Variants in SYNE2 observed in about 807,000 individuals in gnomAD.
The protein encoded by SYNE2 is spectrin repeat containing nuclear envelope protein 2.
SYNE2 carries 431 observed loss-of-function variants against 856.3 expected under a neutral mutation model. That is an observed-to-expected ratio of 0.50 (90% CI 0.47 to 0.55). SYNE2 has a LOEUF of 0.55. Among genes scored for constraint, SYNE2 ranks in the 20% least tolerant of loss-of-function variants. The pLI, the probability that SYNE2 is intolerant of heterozygous loss-of-function variation, is 0.00. For synonymous variants in SYNE2, 2,923 were observed against 2,872.3 expected, an observed-to-expected ratio of 1.02 and a Z score of -0.56; for missense variants, 8,129 against 8,023.2, an observed-to-expected ratio of 1.01 and a Z score of -0.50.
intron 1 of SYNE2, among the ~76,000 whole-genome samples, chr14:63,801,869 A>G (rs1028576905): frequency 6.6e-6 from 1 of 151,394 alleles, no homozygotes; most frequent in Non-Finnish European, 1.5e-5. Context: ...TTAAGTTTTT[A>G]TAAGTATAAA....
At chr14:64,045,571 C>G (rs1373371504) in intron 45 of SYNE2, among the ~76,000 whole-genome samples, 3 of 152,200 alleles carry the variant, frequency 2.0e-5, no homozygotes, top group Non-Finnish European at 4.4e-5. Flanking sequence ...TGGCACCTCT[C>G]TTTCTTCTTA....
chr14:63,890,083 G>A (rs1414656665), intron 1 of SYNE2, among the ~76,000 whole-genome samples: 22 of 131,868 alleles, frequency 1.7e-4, no homozygotes, highest in African/African-American at 5.5e-4. Context: ...TTGAGATAGG[G>A]TCTCGCTCTG....
intron 94 of SYNE2, among the ~76,000 whole-genome samples, chr14:64,171,837 C>T (rs555929450): frequency 2.2e-4 from 34 of 152,242 alleles, no homozygotes; most frequent in Middle Eastern, 3.4e-3. Context: ...GAGAGGGCAG[C>T]ATGACACTGT....
At chr14:63,775,925 A>G (rs1887091552) in intron 1 of SYNE2, among the ~76,000 whole-genome samples, 2 of 152,212 alleles carry the variant, frequency 1.3e-5, no homozygotes, top group African/African-American at 2.4e-5. Context: ...TTCCTTTACC[A>G]TTAGACGCAT....
chr14:63,990,459 G>A lies in SYNE2; in HGVS notation c.2362G>A (p.Glu788Lys), dbSNP rs767773345. 6.2e-6 allele frequency: 10 copies of A among 1,613,588 alleles called. No individual in the cohort carries two copies. The highest frequency in any genetic ancestry group is 3.3e-5 in the Admixed American group (2 of 60,008). Residue 788 changes from glutamate to lysine, a missense_variant, in exon 20 of 116, where the codon GAA (glutamate) becomes AAA (lysine). By Grantham distance (56) the Glu-to-Lys change is moderately conservative. Coordinates refer to ENST00000555002, the MANE Select transcript of SYNE2 (RefSeq NM_182914.3). ...SMFDELMARSEDMLQMDIQNI... is the reference protein window; with the variant it reads ...SMFDELMARSKDMLQMDIQNI... ...GTTTGATGAGCTTATGGCAAGAAGT[G>A]AAGATATGTTACAAATGGATATACA...
At chr14:64,128,122 T>C (rs1488328081) in intron 73 of SYNE2, among the ~76,000 whole-genome samples, 1 of 152,156 alleles carries the variant, frequency 6.6e-6, no homozygotes, top group Non-Finnish European at 1.5e-5. Context: ...GGGAGGAGTA[T>C]GTTGGAGTAA....
chr14:63,835,569 G>A (rs1396698359), intron 1 of SYNE2, among the ~76,000 whole-genome samples: 6 of 20,960 alleles, frequency 2.9e-4, no homozygotes, highest in South Asian at 3.4e-3. Context: ...ATATTTGCGT[G>A]TGTGTGTGTG....
intron 105 of SYNE2, 119 bp from the exon 106 acceptor site, chr14:64,214,075 C>A: frequency 6.7e-7 from 1 of 1,493,546 alleles, no homozygotes; most frequent in Non-Finnish European, 9.1e-7. Flanking sequence ...TTAAAGCTGC[C>A]TTAGAAATAC....
chr14:63,977,238 A>G (rs1237992785), intron 12 of SYNE2, among the ~76,000 whole-genome samples: 3 of 152,054 alleles, frequency 2.0e-5, no homozygotes, highest in Admixed American at 2.0e-4. Context: ...TTTGAGACAG[A>G]GTCTTGCTCT....
chr14:64,169,211 A>C (rs1006984154), intron 93 of SYNE2, among the ~76,000 whole-genome samples: 1 of 152,206 alleles, frequency 6.6e-6, no homozygotes, highest in Non-Finnish European at 1.5e-5. Flanking sequence ...AGCAGCCCAG[A>C]AGCTTTGGAA....
rs1448511119 is a variant in SYNE2 at position 64,041,544 on chromosome 14, A to G, written c.7222-6456A>G. Among the ~76,000 whole-genome samples, 3 of 152,220 alleles carry G rather than the reference A, an allele frequency of 2.0e-5. No individual in the cohort carries two copies. The East Asian group carries it at 5.8e-4, about 29-fold the overall frequency. On this transcript the variant is annotated intron_variant, in intron 45 of 115. Transcript: ENST00000555002. ...GCAGAAGGCAGGACTCGTATGTCCA[A>G]TGAACATATGAAGAGTAGCTCAGGC...
At chr14:63,874,346 C>T (rs1004524227) in intron 1 of SYNE2, among the ~76,000 whole-genome samples, 2 of 152,126 alleles carry the variant, frequency 1.3e-5, no homozygotes, top group Non-Finnish European at 2.9e-5. Context: ...TCCTACTGAA[C>T]GCTGTGGCTC....
At chr14:64,224,645 C>A (rs2098710169) in intron 114 of SYNE2, 98 bp downstream of exon 114, 2 of 1,284,350 alleles carry the variant, frequency 1.6e-6, no homozygotes, top group Non-Finnish European at 2.2e-6. Flanking sequence ...TTAGCCATTT[C>A]AGGACAGCAC....
At chr14:63,842,158 T>TTTTG (rs1417406242) in intron 1 of SYNE2, among the ~76,000 whole-genome samples, 2 of 150,722 alleles carry the variant, frequency 1.3e-5, no homozygotes, top group South Asian at 2.1e-4. Context: ...TTCTTCTTCT[T>TTTTG]TTTGTTTGTT....
chr14:64,183,219 G>A (rs974102245), intron 96 of SYNE2, among the ~76,000 whole-genome samples: 1 of 151,260 alleles, frequency 6.6e-6, no homozygotes, highest in African/African-American at 2.4e-5. Flanking sequence ...GCCGGGCGGA[G>A]GGGCTCCTCA....
At chr14:64,217,797 CAAAG>C (rs552651718) in intron 108 of SYNE2, among the ~76,000 whole-genome samples, 16 of 152,070 alleles carry the variant, frequency 1.1e-4, no homozygotes, top group Non-Finnish European at 1.9e-4. Context: ...AGAAGAAAGA[CAAAG>C]AAAGCAGGGC....
chr14:63,971,909 TTATGACA>T (rs1198473581), intron 11 of SYNE2, among the ~76,000 whole-genome samples: 7 of 152,170 alleles, frequency 4.6e-5, no homozygotes, highest in African/African-American at 1.7e-4. Flanking sequence ...ATTTATAGAG[TTATGACA>T]GGAACTGTGT....
At chr14:63,812,429 C>G (rs570635512) in intron 1 of SYNE2, among the ~76,000 whole-genome samples, 9 of 152,094 alleles carry the variant, frequency 5.9e-5, no homozygotes, top group Non-Finnish European at 1.3e-4. Flanking sequence ...TCATATTGTT[C>G]AAACACACGT....
intron 1 of SYNE2, among the ~76,000 whole-genome samples, chr14:63,864,010 ACGGGGTTAGCCAGG>A (rs1400502229): frequency 6.6e-6 from 1 of 152,022 alleles, no homozygotes; most frequent in Non-Finnish European, 1.5e-5. Flanking sequence ...TTTCGTAGAA[ACGGGGTTAGCCAGG>A]CTGGTCTCGA....
Sources: gnomAD v4.1 joint callset for allele counts (sites outside exome capture counted in the v4.1 genomes callset) on GRCh38, gnomAD v4.1.1 for gene constraint, MANE v1.5 for transcripts, NCBI Gene and HGNC (gene_info 2026-07-23, HGNC 2026-07-21) for gene names.